Variants in PRKCE observed in about 807,000 individuals in gnomAD.
PRKCE encodes protein kinase C epsilon.
Under a neutral mutation model 85.4 loss-of-function variants are expected in PRKCE, and 16 were observed. The observed-to-expected ratio is 0.19, with a 90% CI of 0.13 to 0.28. PRKCE has a LOEUF of 0.28. PRKCE is among the 10% of genes least tolerant of loss of function. The probability of loss-of-function intolerance (pLI) is 1.00; values close to 1 mark genes in which losing one functional copy is unlikely to be tolerated. For synonymous variants in PRKCE, 388 were observed against 371.5 expected (o/e 1.04, Z -0.51); for missense variants, 573 against 975.2 (o/e 0.59, Z 5.49).
At chr2:45,854,616 A>T (rs913852889) in intron 2 of PRKCE, among the ~76,000 whole-genome samples, 3 of 152,220 alleles carry the variant, frequency 2.0e-5, no homozygotes, top group African/African-American at 7.2e-5. Context: ...AAGCATTAAG[A>T]GGCGATGGTT....
At chr2:45,862,228 A>ACACG (rs70937973) in intron 2 of PRKCE, among the ~76,000 whole-genome samples, 21 of 146,572 alleles carry the variant, frequency 1.4e-4, no homozygotes, top group South Asian at 6.6e-4. Flanking sequence ...ACACACACAC[A>ACACG]GTATTTCAAA....
rs572521934 is a variant in PRKCE, at chr2:45,892,061, T to C, written c.412+48998T>C. 9.8e-5 allele frequency among the ~76,000 whole-genome samples: 15 copies of C among 152,344 alleles called. No individual in the cohort carries two copies. In the South Asian group the frequency reaches 3.1e-3, roughly 32 times the overall value. On this transcript the variant is annotated intron_variant, in intron 2 of 14. Coordinates refer to ENST00000306156, the MANE Select transcript of PRKCE (RefSeq NM_005400.3). The stretch of plus-strand genomic sequence containing the variant: ...CTCCACAGTTGACACCTGGCTTCTG[T>C]TTCCAGCTTCTCTCCATGTAAGCAG...
chr2:46,025,976 C>G (rs1707077764), intron 10 of PRKCE, among the ~76,000 whole-genome samples: 1 of 152,172 alleles, frequency 6.6e-6, no homozygotes, highest in Non-Finnish European at 1.5e-5. Flanking sequence ...CTGGTAGACG[C>G]CATAGGCAGA....
At chr2:45,790,627 C>A (rs1686961354) in intron 1 of PRKCE, among the ~76,000 whole-genome samples, 1 of 152,248 alleles carries the variant, frequency 6.6e-6, no homozygotes, top group South Asian at 2.1e-4. Flanking sequence ...CAGGGCCAGT[C>A]CAGTATTTAC....
rs184423786 is a variant in PRKCE, at chr2:46,038,510, A to G, written c.1437+27993A>G. 3.8e-3 allele frequency among the ~76,000 whole-genome samples: 576 copies of G among 152,270 alleles called. 2 individuals are homozygous for G. Among genetic ancestry groups the G allele is most frequent in the African/African-American group, 0.013 (552 of 41,536 alleles). ...CTCCCAAGCAATGTGTGAACTTAAA[A>G]TGAACTGGCTTCAGAAGAGGCTCGA... On this transcript the variant is annotated intron_variant, in intron 10 of 14. Coordinates refer to ENST00000306156, the MANE Select transcript of PRKCE (RefSeq NM_005400.3).
At position 46,118,060 on chromosome 2, in the gene PRKCE, G is replaced by T. The variant is rs139248031; in HGVS notation, c.1593-27033G>T. On this transcript the variant is annotated intron_variant, in intron 11 of 14. Coordinates refer to ENST00000306156, the MANE Select transcript of PRKCE (RefSeq NM_005400.3). ...GATGCTGAATTACATAAAACAAGGG[G>T]ATTAATGTGAACAATAAGAAAAAAT... Among the ~76,000 whole-genome samples, 190 of 152,288 alleles carry T rather than the reference G, an allele frequency of 1.2e-3. 1 individual carries two copies. Among genetic ancestry groups the T allele is most frequent in the African/African-American group, 4.4e-3 (181 of 41,566 alleles).
chr2:45,931,108 C>A (rs1030982459), intron 2 of PRKCE, among the ~76,000 whole-genome samples: 1 of 152,218 alleles, frequency 6.6e-6, no homozygotes, highest in Non-Finnish European at 1.5e-5. Flanking sequence ...CAGGATCCAT[C>A]ATGCTTCAAA....
rs1259873140 is a variant in PRKCE at position 46,041,715 on chromosome 2, C to T, written c.1437+31198C>T. ...TTCCTTGTGAATACCTCTCCATATG[C>T]GTCATGACAAAATACTGTATAGATC... On this transcript the variant is annotated intron_variant, in intron 10 of 14. Transcript: ENST00000306156. This position sits in a 1 kb window ranked among gnomAD's most constrained non-coding sequence, Gnocchi z 5.5. 1.3e-5 allele frequency among the ~76,000 whole-genome samples: 2 copies of T among 152,146 alleles called. No homozygotes were observed. Among genetic ancestry groups the T allele is most frequent in the South Asian group, 2.1e-4 (1 of 4,820 alleles).
chr2:46,047,416 G>GA (rs1218900226), intron 10 of PRKCE, among the ~76,000 whole-genome samples: 1 of 152,186 alleles, frequency 6.6e-6, no homozygotes, highest in Non-Finnish European at 1.5e-5. Flanking sequence ...ACAAGAGACA[G>GA]AAAAAACACA....
At position 45,820,228 on chromosome 2, in the gene PRKCE, T is replaced by C. The variant is rs1689417779; in HGVS notation, c.349-22772T>C. Reference sequence around the variant, plus strand: ...CTTTTAAGTGCCCAGAAATGTTCTATGTGCTCCTGGAACACATAGAACACT... The same window carrying C: ...CTTTTAAGTGCCCAGAAATGTTCTACGTGCTCCTGGAACACATAGAACACT... On this transcript the variant is annotated intron_variant, in intron 1 of 14. Transcript: ENST00000306156. Among the ~76,000 whole-genome samples the C allele has an allele frequency of 6.6e-5, 10 of 152,142 alleles. No homozygotes were observed. In the South Asian group the frequency reaches 2.1e-3, roughly 31 times the overall value.
At chr2:46,154,295 G>C (rs929157049) in intron 13 of PRKCE, among the ~76,000 whole-genome samples, 1 of 152,102 alleles carries the variant, frequency 6.6e-6, no homozygotes. Flanking sequence ...GGCCTCGGGG[G>C]TACTAGTCTT....
chr2:46,088,268 T>C (rs1669834613), intron 11 of PRKCE, among the ~76,000 whole-genome samples: 1 of 152,186 alleles, frequency 6.6e-6, no homozygotes, highest in Admixed American at 6.5e-5. Context: ...ACAAAGTTTC[T>C]TAGCTTTTCT....
chr2:45,927,768 G>T (rs1296334751), intron 2 of PRKCE, among the ~76,000 whole-genome samples: 2 of 152,182 alleles, frequency 1.3e-5, no homozygotes, highest in Non-Finnish European at 2.9e-5. Flanking sequence ...ACACATAATT[G>T]CTAGCAGCTG....
intron 1 of PRKCE, among the ~76,000 whole-genome samples, chr2:45,679,276 A>C (rs534424120): frequency 6.6e-6 from 1 of 152,228 alleles, no homozygotes. Context: ...TCAAAAGAAT[A>C]CACAGTATTG....
intron 13 of PRKCE, among the ~76,000 whole-genome samples, chr2:46,152,643 G>T (rs1558507715): frequency 6.6e-6 from 1 of 151,662 alleles, no homozygotes; most frequent in African/African-American, 2.4e-5. Context: ...CTGCCTCTCG[G>T]GTTCAAGAGA....
chr2:45,779,222 A>G (rs894347153), intron 1 of PRKCE, among the ~76,000 whole-genome samples: 1 of 152,218 alleles, frequency 6.6e-6, no homozygotes, highest in Non-Finnish European at 1.5e-5. Flanking sequence ...GTCCAGACAC[A>G]GTGGCAAGGC....
intron 14 of PRKCE, among the ~76,000 whole-genome samples, chr2:46,163,065 G>C (rs892723071): frequency 1.3e-5 from 2 of 152,242 alleles, no homozygotes; most frequent in Admixed American, 1.3e-4. Flanking sequence ...GTTTTCATAC[G>C]CCATCGCGCC....
intron 11 of PRKCE, among the ~76,000 whole-genome samples, chr2:46,134,851 T>A (rs535795853): frequency 6.6e-6 from 1 of 152,356 alleles, no homozygotes; most frequent in African/African-American, 2.4e-5. Flanking sequence ...CTCACCCACA[T>A]GCTGGAAACA....
chr2:45,798,906 G>A (rs989990104), intron 1 of PRKCE, among the ~76,000 whole-genome samples: 10 of 151,722 alleles, frequency 6.6e-5, no homozygotes, highest in East Asian at 1.9e-4. Flanking sequence ...GGTGGCTCAC[G>A]CCTATAATCC....
Sources: allele counts gnomAD v4.1 joint callset (sites outside exome capture counted in the v4.1 genomes callset), GRCh38; gene constraint gnomAD v4.1.1; non-coding constraint Gnocchi (gnomAD v3.1); transcripts MANE v1.5; gene names NCBI Gene and HGNC (gene_info 2026-07-23, HGNC 2026-07-21).